The following NFXL1 variants were observed in gnomAD, a reference collection of about 807,000 sequenced individuals.
The protein encoded by NFXL1 is nuclear transcription factor, X-box binding like 1, also known as NF-X1-type zinc finger protein NFXL1.
Under a neutral mutation model 123.3 loss-of-function variants are expected in NFXL1, and 66 were observed. That is an observed-to-expected ratio of 0.54 (90% CI 0.44 to 0.66). The LOEUF is 0.66. Ranked by LOEUF, NFXL1 falls within the 30% of genes least tolerant of loss-of-function variation. NFXL1 has a pLI of 0.00. For synonymous variants in NFXL1, 346 were observed against 360.8 expected (o/e 0.96, Z 0.46); for missense variants, 944 against 1,125.6 (o/e 0.84, Z 2.31).
At chr4:47,875,411 A>G in intron 17 of NFXL1, 118 bp from the exon 18 acceptor site, 1 of 653,836 alleles carries the variant, frequency 1.5e-6, no homozygotes, top group East Asian at 2.9e-5. Flanking sequence ...AGTTCTTAGA[A>G]ACAGAGTTAA....
intron 15 of NFXL1, among the ~76,000 whole-genome samples, chr4:47,880,426 C>CAAA (rs752132328): frequency 2.7e-5 from 1 of 36,542 alleles, no homozygotes; most frequent in African/African-American, 8.6e-5. Context: ...GATCCAGTCT[C>CAAA]AAAAAAAAAA....
In NFXL1 at chr4:47,899,138, CAAAAAA is replaced by C. The variant is rs3057881; in HGVS notation, c.827-24_827-19del. 6.8e-3 allele frequency: 8,166 copies of C among 1,196,086 alleles called. No individual in the cohort carries two copies. Among genetic ancestry groups the C allele is most frequent in the South Asian group, 0.011 (619 of 54,186 alleles). The allele number at this position is 1,196,086 out of a possible 1,614,324, so 74.1% of individuals were successfully genotyped here. On this transcript the variant is annotated intron_variant, in intron 6 of 22. Transcript: ENST00000507489. ...GCAGGGACCTAGAATTCAGTAAAAG[CAAAAAA>C]AAAAAAAAAAAAAAAATCTAAAGTC...
intron 20 of NFXL1, 102 bp downstream of exon 20, chr4:47,854,955 AAG>A: frequency 2.5e-6 from 1 of 392,670 alleles, no homozygotes; most frequent in South Asian, 7.2e-5. Flanking sequence ...AAAAAAAAAA[AAG>A]CCAAACAACT....
At chr4:47,888,118 A>C (rs1736553289) in intron 12 of NFXL1, among the ~76,000 whole-genome samples, 1 of 152,194 alleles carries the variant, frequency 6.6e-6, no homozygotes, top group Admixed American at 6.5e-5. Flanking sequence ...TACTAAAAAT[A>C]CAAAAATTAG....
At chr4:47,896,782 G>A in intron 9 of NFXL1, 135 bp from the exon 10 acceptor site, 2 of 541,204 alleles carry the variant, frequency 3.7e-6, no homozygotes, top group South Asian at 3.1e-5. Context: ...ATAATCATTG[G>A]GAAAAATTAA....
chr4:47,904,344 A>C lies in NFXL1; in HGVS notation c.516+893T>G, dbSNP rs537615141. Among the ~76,000 whole-genome samples, 4 of 152,334 alleles carry C rather than the reference A, an allele frequency of 2.6e-5. No individual in the cohort carries two copies. In the East Asian group the frequency reaches 7.7e-4, roughly 29 times the overall value. On this transcript the variant is annotated intron_variant, in intron 4 of 22. Transcript: ENST00000507489. Reference sequence around the variant, plus strand: ...GGCTTTAACTCCCCAGTGCTTCTGCACTATACCCATGTACTAGCTAAGTCA... The same window carrying C: ...GGCTTTAACTCCCCAGTGCTTCTGCCCTATACCCATGTACTAGCTAAGTCA...
rs925646986 is a variant in NFXL1 at position 47,900,051 on chromosome 4, A to G, written c.648-503T>C. Among the ~76,000 whole-genome samples the G allele has an allele frequency of 3.3e-5, 5 of 152,310 alleles. No individual in the cohort carries two copies. In the East Asian group the frequency reaches 7.7e-4, roughly 23 times the overall value. On this transcript the variant is annotated intron_variant, in intron 5 of 22. Transcript: ENST00000507489. ...AAGTTTTGTTTTGTGGTTTACAAAT[A>G]AACAAAATATATTAGCAACAACAAA...
At chr4:47,882,132 C>CA (rs1390095035) in intron 15 of NFXL1, 1 of 151,568 alleles carries the variant, frequency 6.6e-6, no homozygotes, top group Non-Finnish European at 1.5e-5. Flanking sequence ...GGTATGGGGG[C>CA]ACACATAGGA....
intron 3 of NFXL1, among the ~76,000 whole-genome samples, chr4:47,907,825 A>G (rs1047684981): frequency 2.6e-5 from 4 of 152,244 alleles, no homozygotes; most frequent in Non-Finnish European, 5.9e-5. Flanking sequence ...TCTATCTAGA[A>G]TGGTTTAAGT....
intron 2 of NFXL1, among the ~76,000 whole-genome samples, chr4:47,913,210 A>C (rs940217729): frequency 2.6e-5 from 4 of 152,118 alleles, no homozygotes; most frequent in Admixed American, 2.0e-4. Context: ...CATTCCAAAC[A>C]CAAAAATAAA....
intron 12 of NFXL1, among the ~76,000 whole-genome samples, chr4:47,886,920 T>A (rs1024048963): frequency 1.3e-5 from 2 of 152,192 alleles, no homozygotes; most frequent in Non-Finnish European, 2.9e-5. Context: ...TCTCATGACC[T>A]GATATTGGTT....
chr4:47,857,641 G>A (rs1560580834), intron 19 of NFXL1, among the ~76,000 whole-genome samples: 1 of 152,076 alleles, frequency 6.6e-6, no homozygotes, highest in Non-Finnish European at 1.5e-5. Flanking sequence ...ATTTGACCCT[G>A]CCACATACTG....
At chr4:47,871,864 T>G (rs1735458774) in intron 18 of NFXL1, among the ~76,000 whole-genome samples, 1 of 152,154 alleles carries the variant, frequency 6.6e-6, no homozygotes, top group Non-Finnish European at 1.5e-5. Flanking sequence ...TTTTTCAAAA[T>G]GTAATTATGC....
Position 47,914,142 on chromosome 4 carries a change from G to T in NFXL1, c.62C>A (p.Ala21Asp). ...ATGGACTCCATTTCCTGAGGGGGCG[G>T]CAGTGGCCCGTCCCCGGGATCGGCC... is the stretch of plus-strand genomic sequence containing the variant. ...GRGRSRGRAT[A>D]APSGNGVHLR... The change falls in exon 2 of 23, where the codon GCC becomes GAC. Residue 21 changes from alanine to aspartate, a missense_variant. Physicochemically the swap from Ala to Asp is moderately radical, Grantham distance 126. Coordinates refer to ENST00000507489, the MANE Select transcript of NFXL1 (RefSeq NM_001278624.2). 6.4e-7 allele frequency: 1 copy of T among 1,552,328 alleles called. No individual in the cohort carries two copies.
At position 47,913,862 on chromosome 4, in the gene NFXL1, A is replaced by T. The variant is rs61748924; in HGVS notation, c.235+107T>A. On this transcript the variant is annotated intron_variant, in intron 2 of 22. Coordinates refer to ENST00000507489, the MANE Select transcript of NFXL1 (RefSeq NM_001278624.2). ...AGTGGGCCCGATAACAAACTCCCGA[A>T]CGAGGGGAAAAGCAGTGAAAGAAAG... 3.8e-4 allele frequency: 275 copies of T among 728,274 alleles called. 1 individual carries two copies. The African/African-American group carries it at 4.3e-3, about 11-fold the overall frequency. The allele number at this position is 728,274 out of a possible 1,614,324, so 45.1% of individuals were successfully genotyped here.
chr4:47,903,577 T>C (rs1737438527), intron 4 of NFXL1, among the ~76,000 whole-genome samples: 1 of 152,040 alleles, frequency 6.6e-6, no homozygotes, highest in East Asian at 1.9e-4. Context: ...TTCTGGACAA[T>C]CTCCAAATTT....
chr4:47,871,284 CG>C (rs1735414326), intron 18 of NFXL1, among the ~76,000 whole-genome samples: 1 of 148,156 alleles, frequency 6.7e-6, no homozygotes, highest in Non-Finnish European at 1.5e-5. Flanking sequence ...ACCTGGGAGG[CG>C]GAGCTTGCAG....
chr4:47,860,003 T>G (rs949152024), intron 19 of NFXL1, among the ~76,000 whole-genome samples: 1 of 151,938 alleles, frequency 6.6e-6, no homozygotes, highest in African/African-American at 2.4e-5. Flanking sequence ...ATTGGGGGGA[T>G]GTTAGTCAAA....
At chr4:47,906,381 A>T (rs1474565552) in intron 3 of NFXL1, among the ~76,000 whole-genome samples, 2 of 152,228 alleles carry the variant, frequency 1.3e-5, no homozygotes, top group Admixed American at 6.5e-5. Context: ...CCAAAAAGAA[A>T]AATTAAATAA....
Sources: allele counts gnomAD v4.1 joint callset (sites outside exome capture counted in the v4.1 genomes callset), GRCh38; gene constraint gnomAD v4.1.1; transcripts MANE v1.5; gene names NCBI Gene and HGNC (gene_info 2026-07-23, HGNC 2026-07-21).